The following DACH1 variants were observed in gnomAD, a reference collection of about 807,000 sequenced individuals.
DACH1 encodes dachshund family transcription factor 1, also known as dachshund homolog 1.
DACH1 carries 12 observed loss-of-function variants against 54.2 expected under a neutral mutation model. The ratio of observed to expected loss-of-function variants is 0.22; its 90% confidence interval spans 0.14 to 0.36. DACH1 has a LOEUF of 0.36. Ranked by LOEUF, DACH1 falls within the 10% of genes least tolerant of loss-of-function variation. The pLI is 1.00. For missense variants in DACH1, 805 were observed against 929.8 expected, an observed-to-expected ratio of 0.87 and a Z score of 1.75; for synonymous variants, 386 against 366.2, an observed-to-expected ratio of 1.05 and a Z score of -0.62.
chr13:71,743,412 T>C (rs1884484617), intron 1 of DACH1, among the ~76,000 whole-genome samples: 6 of 152,214 alleles, frequency 3.9e-5, no homozygotes. Flanking sequence ...GCTGTTTCTA[T>C]ACAGCAGAAT....
At position 71,611,546 on chromosome 13, in the gene DACH1, G is replaced by A. The variant is rs141686195; in HGVS notation, c.1126+19010C>T. ...AAACAGGTGGTTTCTTATACCTTCC[G>A]TATTTCATTTCCTCATGCACAGCTG... On this transcript the variant is annotated intron_variant, in intron 3 of 10. Coordinates refer to ENST00000613252, the MANE Select transcript of DACH1 (RefSeq NM_080759.6). 1.2e-4 allele frequency among the ~76,000 whole-genome samples: 19 copies of A among 152,164 alleles called. No homozygotes were observed. In the East Asian group the frequency reaches 1.7e-3, roughly 14 times the overall value.
intron 6 of DACH1, among the ~76,000 whole-genome samples, chr13:71,531,907 TTGAGGAATAATCACATATATATGTG>T: frequency 6.6e-6 from 1 of 152,018 alleles, no homozygotes; most frequent in East Asian, 1.9e-4. Context: ...TATCATTCTT[TTGAGGAATAATCACATATATATGTG>T]TGTGTATATA....
chr13:71,802,193 T>A (rs532846136), intron 1 of DACH1, among the ~76,000 whole-genome samples: 1 of 152,094 alleles, frequency 6.6e-6, no homozygotes, highest in Non-Finnish European at 1.5e-5. Flanking sequence ...TTTTAATCCT[T>A]TCAGATTGTC....
intron 6 of DACH1, among the ~76,000 whole-genome samples, chr13:71,542,064 A>G (rs948651744): frequency 6.6e-6 from 1 of 151,490 alleles, no homozygotes; most frequent in Non-Finnish European, 1.5e-5. Context: ...CCTGACCAAC[A>G]TGGTGAAACT....
chr13:71,860,303 G>A (rs1320525761), intron 1 of DACH1, among the ~76,000 whole-genome samples: 1 of 151,376 alleles, frequency 6.6e-6, no homozygotes, highest in East Asian at 1.9e-4. Context: ...TAAGAAAATG[G>A]CACATGCTGA....
intron 2 of DACH1, among the ~76,000 whole-genome samples, chr13:71,634,266 C>T (rs1262045694): frequency 1.3e-5 from 2 of 152,142 alleles, no homozygotes. Flanking sequence ...AGCCACGGCA[C>T]CTGGCCTGAA....
intron 1 of DACH1, among the ~76,000 whole-genome samples, chr13:71,736,212 C>A (rs1480966334): frequency 6.6e-6 from 1 of 152,064 alleles, no homozygotes; most frequent in African/African-American, 2.4e-5. Flanking sequence ...GAAAACAAAT[C>A]TCAAAGTTAA....
At chr13:71,829,565 T>A (rs1302581219) in intron 1 of DACH1, among the ~76,000 whole-genome samples, 3 of 151,948 alleles carry the variant, frequency 2.0e-5, no homozygotes, top group Admixed American at 2.0e-4. Context: ...TCTAAACAAG[T>A]AATTTTAGGC....
chr13:71,560,388 CATA>C (rs1337294423), intron 4 of DACH1, among the ~76,000 whole-genome samples: 3 of 152,082 alleles, frequency 2.0e-5, no homozygotes, highest in East Asian at 3.9e-4. Context: ...CATGACTGAC[CATA>C]ATAATAATAC....
At chr13:71,741,480 T>C (rs9529912) in intron 1 of DACH1, among the ~76,000 whole-genome samples, 96,288 of 152,100 alleles carry the variant, frequency 0.63, 38,047 homozygotes, top group Non-Finnish European at 0.89. Context: ...GACATTTTAT[T>C]AGGGGAAAAT....
At chr13:71,571,212 AT>A (rs1411931368) in intron 4 of DACH1, among the ~76,000 whole-genome samples, 1 of 152,244 alleles carries the variant, frequency 6.6e-6, no homozygotes, top group African/African-American at 2.4e-5. Flanking sequence ...TCACGACCAG[AT>A]TTTTTTAATG....
intron 6 of DACH1, among the ~76,000 whole-genome samples, chr13:71,522,002 C>T (rs1318309974): frequency 2.0e-5 from 3 of 152,124 alleles, no homozygotes; most frequent in African/African-American, 7.2e-5. Flanking sequence ...TGTCATGTGA[C>T]ATTTCCAGGA....
intron 1 of DACH1, among the ~76,000 whole-genome samples, chr13:71,799,647 C>A (rs1352712887): frequency 6.6e-6 from 1 of 152,086 alleles, no homozygotes; most frequent in Non-Finnish European, 1.5e-5. Context: ...CCCTGACTGG[C>A]ATTTCTATGA....
At chr13:71,815,473 A>C (rs988035890) in intron 1 of DACH1, among the ~76,000 whole-genome samples, 3 of 152,216 alleles carry the variant, frequency 2.0e-5, no homozygotes, top group Admixed American at 2.0e-4. Context: ...CACATTTTCA[A>C]ACAAGGTGGT....
intron 1 of DACH1, among the ~76,000 whole-genome samples, chr13:71,788,591 C>A (rs147481990): frequency 1.2e-4 from 18 of 151,940 alleles, no homozygotes; most frequent in African/African-American, 3.1e-4. Flanking sequence ...CATACCCCCC[C>A]ACACACACAC....
chr13:71,592,142 G>C (rs760835388), intron 3 of DACH1, among the ~76,000 whole-genome samples: 11 of 152,128 alleles, frequency 7.2e-5, no homozygotes, highest in Non-Finnish European at 1.2e-4. Flanking sequence ...AAATAGATTA[G>C]ATGATGAGTA....
At chr13:71,698,525 A>T (rs1206428537) in intron 1 of DACH1, among the ~76,000 whole-genome samples, 2 of 152,138 alleles carry the variant, frequency 1.3e-5, no homozygotes, top group Non-Finnish European at 2.9e-5. Flanking sequence ...TTCTGAAGAA[A>T]TAATGAGAGA....
intron 10 of DACH1, among the ~76,000 whole-genome samples, chr13:71,463,462 C>T (rs13378132): frequency 0.086 from 13,026 of 151,790 alleles, 591 homozygotes; most frequent in Middle Eastern, 0.15. Flanking sequence ...TAAATTTATG[C>T]CACCCTCATT....
At chr13:71,613,863 C>T (rs865776315) in intron 3 of DACH1, among the ~76,000 whole-genome samples, 60 of 151,918 alleles carry the variant, frequency 3.9e-4, no homozygotes, top group African/African-American at 1.4e-3. Context: ...AGGTGTGTGC[C>T]ACCATGCCCA....
Sources: gnomAD v4.1 joint callset for allele counts (sites outside exome capture counted in the v4.1 genomes callset) on GRCh38, gnomAD v4.1.1 for gene constraint, MANE v1.5 for transcripts, NCBI Gene and HGNC (gene_info 2026-07-23, HGNC 2026-07-21) for gene names.